GABRA3: variants seen among roughly 807,000 people sequenced by gnomAD.
GABRA3 encodes the protein gamma-aminobutyric acid receptor subunit alpha-3.
GABRA3 carries 10 observed loss-of-function variants against 30.1 expected under a neutral mutation model. That is an observed-to-expected ratio of 0.33 (90% confidence interval 0.20 to 0.56). The LOEUF (loss-of-function observed/expected upper bound fraction) is 0.56. Ranked by LOEUF, GABRA3 falls within the 20% of genes least tolerant of loss-of-function variation. The pLI, the probability that GABRA3 is intolerant of heterozygous loss-of-function variation, is 0.89. For missense variants in GABRA3, 233 were observed against 392.0 expected, an observed-to-expected ratio of 0.59 and a Z score of 3.42; for synonymous variants, 151 against 146.8, an observed-to-expected ratio of 1.03 and a Z score of -0.21.
At chrX:152,255,756 G>A in intron 5 of GABRA3, 22 bp downstream of exon 5, 2 of 1,179,406 alleles carry the variant, frequency 1.7e-6, no homozygotes, top group South Asian at 1.8e-5. Flanking sequence ...TATACTTTGG[G>A]TGGGAACCAC....
chrX:152,418,046 G>GA lies in GABRA3; in HGVS notation c.-27+33099dup, dbSNP rs765902153. On this transcript the variant is annotated intron_variant, in intron 1 of 9. Transcript: ENST00000370314. ...ATAATAAAAAAAAGAAGAAAAAAAA[G>GA]AAAAAAAATGAAAAAATAGATATTA... Among the ~76,000 whole-genome samples the GA allele has an allele frequency of 3.3e-4, 36 of 108,589 alleles. 1 individual carries two copies. The highest frequency in any genetic ancestry group is 1.2e-3 in the South Asian group (3 of 2,528). The allele number at this position is 108,589 out of a possible 115,157, so 94.3% of individuals were successfully genotyped here.
chrX:152,307,664 A>G (rs1325171876), intron 3 of GABRA3, among the ~76,000 whole-genome samples: 1 of 111,667 alleles, frequency 9.0e-6, no homozygotes, highest in Non-Finnish European at 1.9e-5. Context: ...AAGAGGGGAC[A>G]GAGGGAAGAT....
intron 4 of GABRA3, among the ~76,000 whole-genome samples, chrX:152,278,418 G>A (rs1179094462): frequency 9.1e-6 from 1 of 110,496 alleles, no homozygotes; most frequent in African/African-American, 3.3e-5. Context: ...CTTCATCCAT[G>A]TCCCTACAAA....
intron 3 of GABRA3, among the ~76,000 whole-genome samples, chrX:152,291,445 C>T (rs769134554): frequency 4.5e-5 from 5 of 111,674 alleles, no homozygotes; most frequent in African/African-American, 9.8e-5. Context: ...TATACAGTCA[C>T]GTCATCTGCA....
At chrX:152,349,110 C>T (rs1211136705) in intron 2 of GABRA3, among the ~76,000 whole-genome samples, 1 of 112,112 alleles carries the variant, frequency 8.9e-6, no homozygotes, top group Non-Finnish European at 1.9e-5. Context: ...GCTTTATCAA[C>T]TAAGTTTATG....
In GABRA3 at chrX:152,406,577, T is replaced by TATAC. The variant is rs1372140897; in HGVS notation, c.-26-41982_-26-41981insGTAT. 6.7e-5 allele frequency among the ~76,000 whole-genome samples: 7 copies of TATAC among 104,167 alleles called. No homozygotes were observed. The East Asian group carries it at 1.5e-3, about 22-fold the overall frequency. 90.5% of individuals were successfully genotyped at this position (104,167 alleles called of 115,157 possible). A position where few individuals can be genotyped will look rare whatever the true frequency, so the allele number is the denominator to read the frequency against. On this transcript the variant is annotated intron_variant, in intron 1 of 9. Coordinates refer to ENST00000370314, the MANE Select transcript of GABRA3 (RefSeq NM_000808.4). ...TCTATGCACCTAACACTGGAATATATATATATATATATATATATTTTTATA... is the reference window on the plus strand; with the variant it reads ...TCTATGCACCTAACACTGGAATATATATACATATATATATATATATATTTTTATA...
At chrX:152,383,973 C>CAAA (rs34355005) in intron 1 of GABRA3, among the ~76,000 whole-genome samples, 1 of 73,174 alleles carries the variant, frequency 1.4e-5, no homozygotes, top group Non-Finnish European at 2.5e-5. Context: ...GACTCCACCA[C>CAAA]AAAAAAAAAA....
At chrX:152,376,691 T>G (rs893331100) in intron 1 of GABRA3, among the ~76,000 whole-genome samples, 5 of 112,026 alleles carry the variant, frequency 4.5e-5, no homozygotes, top group South Asian at 7.4e-4. Context: ...AACTAGTAAT[T>G]TATAATTGTT....
intron 7 of GABRA3, among the ~76,000 whole-genome samples, chrX:152,206,474 C>T (rs1432482517): frequency 9.0e-6 from 1 of 111,689 alleles, no homozygotes; most frequent in East Asian, 2.8e-4. Flanking sequence ...TGCATAGTCC[C>T]GGGATCAGGG....
chrX:152,407,881 C>T (rs903492630), intron 1 of GABRA3, among the ~76,000 whole-genome samples: 1 of 111,209 alleles, frequency 9.0e-6, no homozygotes, highest in Non-Finnish European at 1.9e-5. Flanking sequence ...TCATCATGAC[C>T]AAGAGATGAG....
At chrX:152,211,109 A>C (rs754651332) in intron 6 of GABRA3, among the ~76,000 whole-genome samples, 1 of 110,599 alleles carries the variant, frequency 9.0e-6, no homozygotes, top group East Asian at 2.9e-4. Flanking sequence ...TGGTTGTAAC[A>C]CTTTTTGTTT....
intron 4 of GABRA3, among the ~76,000 whole-genome samples, chrX:152,281,407 T>A (rs145204804): frequency 0.018 from 1,985 of 111,942 alleles, 27 homozygotes; most frequent in Non-Finnish European, 0.027. Context: ...GCATTACTAC[T>A]GAGGAGCTAT....
At chrX:152,265,731 T>C (rs1938811823) in intron 4 of GABRA3, among the ~76,000 whole-genome samples, 2 of 110,789 alleles carry the variant, frequency 1.8e-5, no homozygotes, top group Non-Finnish European at 1.9e-5. Flanking sequence ...AAAGATAAAC[T>C]TGATAAACCT....
chrX:152,287,809 C>T (rs1232072630), intron 3 of GABRA3, among the ~76,000 whole-genome samples: 1 of 109,993 alleles, frequency 9.1e-6, no homozygotes. Context: ...TTCCTCTCCT[C>T]CTTCATTCAA....
At chrX:152,345,510 T>A (rs767343128) in intron 3 of GABRA3, 71 bp downstream of exon 3, 9 of 1,114,170 alleles carry the variant, frequency 8.1e-6, no homozygotes, top group Middle Eastern at 2.5e-4. Context: ...AGGCACCTTA[T>A]AACTGTTTTT....
At chrX:152,272,792 TAGTG>T (rs1008772226) in intron 4 of GABRA3, among the ~76,000 whole-genome samples, 2 of 111,249 alleles carry the variant, frequency 1.8e-5, no homozygotes, top group African/African-American at 6.5e-5. Context: ...GTTCTCATGA[TAGTG>T]AGTGAGTTCT....
chrX:152,348,768 G>A (rs934674878), intron 2 of GABRA3, among the ~76,000 whole-genome samples: 1 of 112,157 alleles, frequency 8.9e-6, no homozygotes, highest in Non-Finnish European at 1.9e-5. Context: ...ATAGCATTAT[G>A]TCTAAAAATC....
At chrX:152,362,050 A>C (rs192485065) in intron 2 of GABRA3, among the ~76,000 whole-genome samples, 1 of 111,287 alleles carries the variant, frequency 9.0e-6, no homozygotes, top group African/African-American at 3.3e-5. Flanking sequence ...TTTTGGAAGA[A>C]AGAACAAAAA....
intron 1 of GABRA3, among the ~76,000 whole-genome samples, chrX:152,372,318 T>C (rs899555484): frequency 9.0e-6 from 1 of 111,629 alleles, no homozygotes; most frequent in Admixed American, 9.5e-5. Context: ...ACTTTCGGTC[T>C]CCCCTACTCA....
Sources: allele counts gnomAD v4.1 joint callset (sites outside exome capture counted in the v4.1 genomes callset), GRCh38; gene constraint gnomAD v4.1.1; transcripts MANE v1.5; gene names NCBI Gene and HGNC (gene_info 2026-07-23, HGNC 2026-07-21).